The following TSHR variants were observed in gnomAD, a reference collection of about 807,000 sequenced individuals.
TSHR encodes thyroid stimulating hormone receptor, also known as thyrotropin receptor.
A neutral mutation model predicts 64.1 loss-of-function variants in TSHR; 51 were observed. The observed-to-expected ratio is 0.80, with a 90% CI of 0.64 to 1.01. The LOEUF is 1.01. Among genes scored for constraint, TSHR ranks in the 50% least tolerant of loss-of-function variants. The pLI, the probability that TSHR is intolerant of heterozygous loss-of-function variation, is 0.00. For synonymous variants in TSHR, 361 were observed against 361.9 expected, an observed-to-expected ratio of 1.00 and a Z score of 0.03; for missense variants, 877 against 942.8, an observed-to-expected ratio of 0.93 and a Z score of 0.91.
intron 1 of TSHR, among the ~76,000 whole-genome samples, chr14:80,968,024 T>A (rs139896372): frequency 2.8e-4 from 43 of 152,262 alleles, no homozygotes; most frequent in Non-Finnish European, 3.8e-4. Context: ...TTGGCTCCCA[T>A]GAGTCAGGGA....
chr14:80,994,894 C>A (rs1028829129), intron 1 of TSHR: 1 of 152,112 alleles, frequency 6.6e-6, no homozygotes, highest in African/African-American at 2.4e-5. Context: ...TCTAATTAAA[C>A]TAATGTGCTT....
chr14:81,128,771 G>A (rs1453163704), intron 8 of TSHR, among the ~76,000 whole-genome samples: 1 of 152,134 alleles, frequency 6.6e-6, no homozygotes, highest in Non-Finnish European at 1.5e-5. Context: ...TCCTTCGTCT[G>A]ATACAAGTCT....
intron 1 of TSHR, among the ~76,000 whole-genome samples, chr14:80,969,493 TG>T (rs1352872414): frequency 1.3e-5 from 2 of 152,226 alleles, no homozygotes; most frequent in African/African-American, 4.8e-5. Context: ...ATAATCAAAC[TG>T]CCACCAAATG....
chr14:81,001,766 G>T, intron 1 of TSHR: 1 of 364,344 alleles, frequency 2.7e-6, no homozygotes, highest in South Asian at 2.3e-5. Context: ...CTGATTTTGA[G>T]GGGTTTTCTG....
chr14:81,056,360 T>C (rs1159942749), intron 1 of TSHR, among the ~76,000 whole-genome samples: 1 of 152,152 alleles, frequency 6.6e-6, no homozygotes, highest in African/African-American at 2.4e-5. Context: ...TTCGGGATGA[T>C]GGAAATATTT....
At chr14:81,028,209 A>T (rs1354889344) in intron 1 of TSHR, among the ~76,000 whole-genome samples, 1 of 152,202 alleles carries the variant, frequency 6.6e-6, no homozygotes, top group Non-Finnish European at 1.5e-5. Context: ...GACCAATGGT[A>T]AAATATTAAA....
rs76014352 is a variant in TSHR at position 81,008,234 on chromosome 14, A to C, written c.170+52384A>C. On this transcript the variant is annotated intron_variant, in intron 1 of 9. Coordinates refer to ENST00000298171, the MANE Select transcript of TSHR (RefSeq NM_000369.5). ...GTCACCCAGGCTGGAGTGCAGTGGC[A>C]TGATCTCGGCTCACTGCAAGCTCCG... Among the ~76,000 whole-genome samples the C allele has an allele frequency of 6.7e-5, 10 of 148,584 alleles. No individual in the cohort carries two copies. The South Asian group carries it at 2.1e-3, about 31-fold the overall frequency.
chr14:81,084,722 G>A (rs1888158110), intron 3 of TSHR, among the ~76,000 whole-genome samples: 1 of 152,150 alleles, frequency 6.6e-6, no homozygotes. Flanking sequence ...TTCTTCCAAT[G>A]TCTCCAGCTT....
At chr14:80,991,865 A>C (rs1888741141) in intron 1 of TSHR, 1 of 325,196 alleles carries the variant, frequency 3.1e-6, no homozygotes, top group African/African-American at 2.1e-5. Context: ...TACATATCTG[A>C]GGGCACTAGG....
chr14:81,108,584 G>GC (rs753407929), intron 8 of TSHR, 132 bp downstream of exon 8: 1 of 1,612,924 alleles, frequency 6.2e-7, no homozygotes, highest in East Asian at 2.2e-5. Context: ...AAAGGCTTCT[G>GC]CAAGTCCCTC....
At chr14:81,119,923 G>A (rs1395425797) in intron 8 of TSHR, among the ~76,000 whole-genome samples, 5 of 106,904 alleles carry the variant, frequency 4.7e-5, no homozygotes, top group African/African-American at 1.9e-4. Flanking sequence ...GTAAACTATC[G>A]CAAGAACAAA....
At chr14:81,025,068 G>C (rs7159278) in intron 1 of TSHR, among the ~76,000 whole-genome samples, 147 of 152,264 alleles carry the variant, frequency 9.7e-4, no homozygotes, top group Middle Eastern at 3.4e-3. Context: ...CATTTTTGCA[G>C]TAATACAGTA....
At chr14:81,139,500 A>G (rs1477399050) in intron 8 of TSHR, among the ~76,000 whole-genome samples, 179 bp from the exon 9 acceptor site, 2 of 152,252 alleles carry the variant, frequency 1.3e-5, no homozygotes, top group Non-Finnish European at 2.9e-5. Context: ...CCTATAACAC[A>G]GGCTTAGAAG....
At chr14:80,971,436 A>G (rs1219352896) in intron 1 of TSHR, among the ~76,000 whole-genome samples, 2 of 152,226 alleles carry the variant, frequency 1.3e-5, no homozygotes, top group Non-Finnish European at 2.9e-5. Flanking sequence ...CTCTATTGAT[A>G]GGAATCAAGA....
At chr14:81,023,914 G>A (rs1883905748) in intron 1 of TSHR, among the ~76,000 whole-genome samples, 1 of 152,004 alleles carries the variant, frequency 6.6e-6, no homozygotes, top group East Asian at 1.9e-4. Context: ...TTGCAGAACA[G>A]GGCACCTTTA....
At chr14:80,982,607 G>GGA in intron 1 of TSHR, 2 of 755,598 alleles carry the variant, frequency 2.6e-6, no homozygotes, top group Non-Finnish European at 3.7e-6. Flanking sequence ...GAAATTAATG[G>GGA]AAAAAAAAAA....
chr14:80,960,727 T>C (rs1244460587), intron 1 of TSHR, among the ~76,000 whole-genome samples: 1 of 152,202 alleles, frequency 6.6e-6, no homozygotes, highest in Non-Finnish European at 1.5e-5. Flanking sequence ...CAACTCTGTT[T>C]AGGTTAAGGA....
At chr14:81,045,642 C>T (rs1885139289) in intron 1 of TSHR, among the ~76,000 whole-genome samples, 1 of 152,034 alleles carries the variant, frequency 6.6e-6, no homozygotes, top group Admixed American at 6.6e-5. Context: ...TTCATCATCA[C>T]TGCTGTTTCA....
At position 80,973,403 on chromosome 14, in the gene TSHR, CAAAAAAAAAAAA is replaced by C. The variant is rs58316010; in HGVS notation, c.170+17568_170+17579del. On this transcript the variant is annotated intron_variant, in intron 1 of 9. Transcript: ENST00000298171. ...CCCGGGTGACAGCGAGACGCTGTCT[CAAAAAAAAAAAA>C]AAAAAAAAAAAAAATCTGTGTACTT... Among the ~76,000 whole-genome samples the C allele has an allele frequency of 5.8e-5, 3 of 51,470 alleles. 1 individual carries two copies. Among genetic ancestry groups the C allele is most frequent in the Non-Finnish European group, 1.1e-4 (3 of 27,260 alleles). The allele number at this position is 51,470 out of a possible 152,430, so 33.8% of individuals were successfully genotyped here.
Sources: gnomAD v4.1 joint callset for allele counts (sites outside exome capture counted in the v4.1 genomes callset) on GRCh38, gnomAD v4.1.1 for gene constraint, MANE v1.5 for transcripts, NCBI Gene and HGNC (gene_info 2026-07-23, HGNC 2026-07-21) for gene names.